The following RIC1 variants were observed in gnomAD, a reference collection of about 807,000 sequenced individuals.
RIC1 encodes the protein guanine nucleotide exchange factor subunit RIC1.
Under a neutral mutation model 169.0 loss-of-function variants are expected in RIC1, and 88 were observed. The observed-to-expected ratio is 0.52, with a 90% CI of 0.44 to 0.62. The LOEUF (loss-of-function observed/expected upper bound fraction) is 0.62, where lower values mean the gene tolerates loss of function less well. Ranked by LOEUF, RIC1 falls within the 20% of genes least tolerant of loss-of-function variation. The pLI is 0.00. For synonymous variants in RIC1, 790 were observed against 601.5 expected, an observed-to-expected ratio of 1.31 and a Z score of -4.59; for missense variants, 1,877 against 1,725.5, an observed-to-expected ratio of 1.09 and a Z score of -1.56.
At chr9:5,634,922 A>G (rs1817897474) in intron 1 of RIC1, among the ~76,000 whole-genome samples, 2 of 152,148 alleles carry the variant, frequency 1.3e-5, no homozygotes, top group East Asian at 1.9e-4. Context: ...TTTGTGGGGT[A>G]TATGGGATAT....
chr9:5,689,119 G>A (rs12376498), intron 2 of RIC1, among the ~76,000 whole-genome samples: 4 of 125,242 alleles, frequency 3.2e-5, no homozygotes, highest in African/African-American at 1.2e-4. Flanking sequence ...CGCGATCTTA[G>A]CTCACTGCAA....
chr9:5,723,632 C>T (rs979098207), intron 6 of RIC1, among the ~76,000 whole-genome samples: 6 of 152,128 alleles, frequency 3.9e-5, no homozygotes, highest in African/African-American at 1.4e-4. Context: ...AAGTCCTTGC[C>T]CATGCCTATG....
intron 3 of RIC1, among the ~76,000 whole-genome samples, chr9:5,694,173 C>G (rs1821755204): frequency 6.6e-6 from 1 of 152,118 alleles, no homozygotes; most frequent in Non-Finnish European, 1.5e-5. Context: ...CACAACTTGC[C>G]CCTTCTAAAA....
intron 17 of RIC1, among the ~76,000 whole-genome samples, chr9:5,760,495 A>C (rs896112380): frequency 2.0e-5 from 3 of 152,224 alleles, no homozygotes; most frequent in Non-Finnish European, 4.4e-5. Flanking sequence ...AACATTACTC[A>C]TATTGTGGTG....
chr9:5,738,545 C>CTTT lies in RIC1; in HGVS notation c.901+26_901+28dup, dbSNP rs74310870. On this transcript the variant is annotated splice_region_variant and intron_variant, in intron 8 of 25. Coordinates refer to ENST00000414202, the MANE Select transcript of RIC1 (RefSeq NM_020829.4). ...ACAGCAAAACAGTATCCTGGTGAGT[C>CTTT]TTTTTTTTTTTTTTTTTTTTTAACA... The CTTT allele has an allele frequency of 5.2e-4, 424 of 815,300 alleles. 1 individual carries two copies. Among genetic ancestry groups the CTTT allele is most frequent in the South Asian group, 1.7e-3 (78 of 46,626 alleles). The allele number at this position is 815,300 out of a possible 1,614,324, so 50.5% of individuals were successfully genotyped here. A position where few individuals can be genotyped will look rare whatever the true frequency, so the allele number is the denominator to read the frequency against.
At chr9:5,685,479 A>G (rs373748100) in intron 2 of RIC1, among the ~76,000 whole-genome samples, 4,008 of 149,416 alleles carry the variant, frequency 0.027, 89 homozygotes, top group Middle Eastern at 0.087. Flanking sequence ...CCACATACCT[A>G]CAACTATCTG....
chr9:5,707,319 G>A (rs55823455), intron 3 of RIC1, among the ~76,000 whole-genome samples: 2,901 of 152,166 alleles, frequency 0.019, 35 homozygotes, highest in Non-Finnish European at 0.024. Flanking sequence ...CTTGGAGAAT[G>A]TTCCATGTGC....
chr9:5,629,119 G>C lies in RIC1; in HGVS notation c.-191G>C. Reference sequence around the variant, plus strand: ...CCTTCCCTCCCCCACACTCGGCCCCGTCAGCTTGGGGGTGCCTTCGTCGCG... The same window carrying C: ...CCTTCCCTCCCCCACACTCGGCCCCCTCAGCTTGGGGGTGCCTTCGTCGCG... On this transcript the variant is annotated 5_prime_UTR_variant, in exon 1 of 26. Transcript: ENST00000414202. 2.6e-6 allele frequency: 1 copy of C among 379,892 alleles called. No homozygotes were observed. The highest frequency in any genetic ancestry group is 4.4e-6 in the Non-Finnish European group (1 of 228,474). The allele number at this position is 379,892 out of a possible 1,614,324, so 23.5% of individuals were successfully genotyped here. A position where few individuals can be genotyped will look rare whatever the true frequency, so the allele number is the denominator to read the frequency against.
At chr9:5,629,477 T>G in intron 1 of RIC1, 24 bp downstream of exon 1, 6 of 1,523,120 alleles carry the variant, frequency 3.9e-6, no homozygotes, top group Non-Finnish European at 5.3e-6. Context: ...CCCGCCGCCT[T>G]TCGCCGCTGC....
At chr9:5,777,743 G>A (rs1354191457), downstream of RIC1, among the ~76,000 whole-genome samples, 1 of 152,106 alleles carries the variant, frequency 6.6e-6, no homozygotes, top group African/African-American at 2.4e-5. Context: ...CACCATTTAT[G>A]GAAAGGATTT....
Position 5,757,413 on chromosome 9 carries a change from A to G in RIC1, c.1954A>G (p.Ser652Gly). 6.2e-7 allele frequency: 1 copy of G among 1,614,040 alleles called. No individual in the cohort carries two copies. Among genetic ancestry groups the G allele is most frequent in the Non-Finnish European group, 8.5e-7 (1 of 1,179,918 alleles). The change falls in exon 17 of 26, where the codon AGT (serine) becomes GGT (glycine). Residue 652 changes from serine to glycine, a missense_variant. Ser to Gly is a moderately conservative substitution (Grantham distance 56, BLOSUM62 0). This residue lies in a region of RIC1 where 1,104 missense variants were observed against 992.0 expected (regional missense o/e 1.11). Transcript: ENST00000414202. The stretch of plus-strand genomic sequence containing the variant: ...GGTATCTGTCACTCTGACATCAGTG[A>G]GTACAGAGAATGGAATCACCTTGAA... The part of the protein sequence containing the change: ...LVVSVTLTSV[S>G]TENGITLKMP...
chr9:5,743,154 A>C, intron 9 of RIC1, 141 bp downstream of exon 9: 1 of 687,586 alleles, frequency 1.5e-6, no homozygotes, highest in African/African-American at 1.8e-5. Flanking sequence ...AATCTGTTCG[A>C]ATATACTGAT....
intron 19 of RIC1, 127 bp from the exon 20 acceptor site, chr9:5,765,287 A>G: frequency 1.1e-6 from 1 of 946,410 alleles, no homozygotes; most frequent in South Asian, 1.7e-5. Context: ...TTTTAATCTT[A>G]TTATTAAACT....
intron 1 of RIC1, among the ~76,000 whole-genome samples, chr9:5,648,548 G>A (rs78007894): frequency 5.3e-5 from 8 of 152,252 alleles, no homozygotes; most frequent in African/African-American, 1.7e-4. Context: ...CTAACAGTGG[G>A]ATTGCTGGAT....
chr9:5,679,316 A>G (rs964081723), intron 2 of RIC1, among the ~76,000 whole-genome samples: 3 of 152,114 alleles, frequency 2.0e-5, no homozygotes, highest in East Asian at 1.9e-4. Flanking sequence ...TTGTCTTGGC[A>G]ATGCAGGCTC....
Position 5,756,197 on chromosome 9 carries a change from T to C in RIC1, c.1693-15T>C, listed in dbSNP as rs922186598. 6.7e-7 allele frequency: 1 copy of C among 1,492,698 alleles called. No individual in the cohort carries two copies. The highest frequency in any genetic ancestry group is 9.0e-7 in the Non-Finnish European group (1 of 1,110,042). The allele number at this position is 1,492,698 out of a possible 1,614,324, so 92.5% of individuals were successfully genotyped here. A position where few individuals can be genotyped will look rare whatever the true frequency, so the allele number is the denominator to read the frequency against. Reference sequence around the variant, plus strand: ...ATCTTGTTTTTATAATTTTCTTCATTTTTGTTTTCTTCAGCTTAGAGTATA... The same window carrying C: ...ATCTTGTTTTTATAATTTTCTTCATCTTTGTTTTCTTCAGCTTAGAGTATA... On this transcript the variant is annotated splice_polypyrimidine_tract_variant and intron_variant, in intron 15 of 25. Coordinates refer to ENST00000414202, the MANE Select transcript of RIC1 (RefSeq NM_020829.4).
intron 14 of RIC1, 104 bp from the exon 15 acceptor site, chr9:5,754,737 A>C (rs902650772): frequency 2.1e-5 from 14 of 661,654 alleles, no homozygotes; most frequent in Non-Finnish European, 3.4e-5. Flanking sequence ...TCAAAAAATA[A>C]TAATAATTTG....
intron 22 of RIC1, 199 bp downstream of exon 22, chr9:5,769,455 G>C: frequency 6.8e-7 from 1 of 1,477,532 alleles, no homozygotes; most frequent in Non-Finnish European, 8.9e-7. Flanking sequence ...ATGTCTCTAA[G>C]TCTTGTGACC....
chr9:5,727,962 G>T (rs1824103838), intron 6 of RIC1, among the ~76,000 whole-genome samples: 1 of 152,218 alleles, frequency 6.6e-6, no homozygotes, highest in Admixed American at 6.5e-5. Context: ...CTAATGGGAG[G>T]TGTCTCCCAG....
Sources: allele counts gnomAD v4.1 joint callset (sites outside exome capture counted in the v4.1 genomes callset), GRCh38; gene constraint gnomAD v4.1.1; regional missense constraint gnomAD v4.1.1; transcripts MANE v1.5; gene names NCBI Gene and HGNC (gene_info 2026-07-23, HGNC 2026-07-21).